The following PGPEP1L variants were observed in gnomAD, a reference collection of about 807,000 sequenced individuals.
The protein encoded by PGPEP1L is pyroglutamyl-peptidase 1-like protein.
In PGPEP1L, 7 loss-of-function variants were observed where a neutral mutation model predicts 6.0. The ratio of observed to expected loss-of-function variants is 1.17; its 90% CI spans 0.66 to 2.19. The LOEUF is 2.19. Ranked by LOEUF, PGPEP1L falls within the 30% of genes most tolerant of loss-of-function variation. The pLI is 0.00. For missense variants in PGPEP1L, 209 were observed against 192.5 expected (o/e 1.09, Z -0.51); for synonymous variants, 103 against 83.9 (o/e 1.23, Z -1.24).
At chr15:98,985,472 A>T (rs1026614341) in intron 2 of PGPEP1L, among the ~76,000 whole-genome samples, 2 of 152,226 alleles carry the variant, frequency 1.3e-5, no homozygotes, top group African/African-American at 4.8e-5. Flanking sequence ...CGGGAAGCGG[A>T]AGTTGCAGTG....
chr15:98,995,900 C>A (rs1160519586), intron 2 of PGPEP1L, among the ~76,000 whole-genome samples: 4 of 152,262 alleles, frequency 2.6e-5, no homozygotes, highest in Non-Finnish European at 2.9e-5. Flanking sequence ...TTAATCTGGA[C>A]AATCATGTAA....
intron 2 of PGPEP1L, among the ~76,000 whole-genome samples, chr15:98,975,310 G>A (rs921758206): frequency 8.5e-5 from 13 of 152,210 alleles, no homozygotes; most frequent in Admixed American, 2.6e-4. Flanking sequence ...ATGATTACCA[G>A]AAGGTGGGAA....
In PGPEP1L at chr15:98,976,651, C is replaced by T. The variant is rs528680834; in HGVS notation, c.-141-5493G>A. Among the ~76,000 whole-genome samples, 81 of 152,130 alleles carry T rather than the reference C, an allele frequency of 5.3e-4. 3 individuals carry two copies. In the South Asian group the frequency reaches 0.017, roughly 32 times the overall value. On this transcript the variant is annotated intron_variant, in intron 2 of 4. Transcript: ENST00000535714. ...GATGTTTTCCTAGGAACAGAAGAGG[C>T]AAGGAGGGGCAGTGGCCACTCCAGA... is the stretch of plus-strand genomic sequence containing the variant.
At chr15:98,975,543 ATGT>A (rs1842901031) in intron 2 of PGPEP1L, among the ~76,000 whole-genome samples, 1 of 152,208 alleles carries the variant, frequency 6.6e-6, no homozygotes, top group African/African-American at 2.4e-5. Flanking sequence ...TAATCATCAA[ATGT>A]TGTGTATGTA....
chr15:98,968,658 A>G lies in PGPEP1L; in HGVS notation c.249T>C (p.His83=), dbSNP rs1390694004. Residue 83 remains histidine (H), a synonymous_variant, in exon 5 of 5, where the codon CAT becomes CAC. Transcript: ENST00000535714. ...GGATGAGTGCCGCGCAGCCCTTTCC[A>G]TGATGCAGAGACAGGTAATAGGTAT... is the stretch of plus-strand genomic sequence containing the variant. ...CDYTYYLSLH[H]GKGCAALIHV... The G allele has an allele frequency of 1.9e-6, 3 of 1,590,022 alleles. No homozygotes were observed. The highest frequency in any genetic ancestry group is 2.3e-5 in the South Asian group (2 of 87,396).
At chr15:98,971,997 C>T (rs2017504166) in intron 2 of PGPEP1L, among the ~76,000 whole-genome samples, 2 of 152,168 alleles carry the variant, frequency 1.3e-5, no homozygotes, top group Non-Finnish European at 1.5e-5. Flanking sequence ...TTATAACTAT[C>T]CAATTTTTTT....
At chr15:98,974,916 C>T (rs1022001255) in intron 2 of PGPEP1L, among the ~76,000 whole-genome samples, 13 of 152,066 alleles carry the variant, frequency 8.5e-5, no homozygotes, top group Non-Finnish European at 1.9e-4. Flanking sequence ...ACAACAACAA[C>T]GACAACAACT....
At chr15:99,007,115 G>A (rs1449735443) in intron 1 of PGPEP1L, among the ~76,000 whole-genome samples, 10 of 152,204 alleles carry the variant, frequency 6.6e-5, no homozygotes, top group African/African-American at 2.4e-4. Context: ...CCTTTAATTA[G>A]CTCCTGGTGT....
intron 2 of PGPEP1L, among the ~76,000 whole-genome samples, chr15:98,974,408 A>G (rs1039894951): frequency 6.6e-6 from 1 of 152,034 alleles, no homozygotes; most frequent in Admixed American, 6.6e-5. Flanking sequence ...AATAAAATAA[A>G]TTTCTGGACA....
intron 2 of PGPEP1L, among the ~76,000 whole-genome samples, chr15:98,992,707 C>T (rs1406833449): frequency 6.6e-6 from 1 of 152,198 alleles, no homozygotes; most frequent in Non-Finnish European, 1.5e-5. Context: ...TACTACAAGG[C>T]TGCAGTAACA....
At chr15:98,987,762 T>C (rs577025896) in intron 2 of PGPEP1L, among the ~76,000 whole-genome samples, 1 of 152,292 alleles carries the variant, frequency 6.6e-6, no homozygotes, top group South Asian at 2.1e-4. Flanking sequence ...GCAGGTGATT[T>C]CTGCATTTCC....
intron 1 of PGPEP1L, among the ~76,000 whole-genome samples, chr15:99,006,260 G>A (rs1555473619): frequency 6.6e-6 from 1 of 152,162 alleles, no homozygotes; most frequent in Admixed American, 6.5e-5. Flanking sequence ...AGGAACAGAG[G>A]CTTGCCACCT....
chr15:98,987,434 A>C (rs974884480), intron 2 of PGPEP1L, among the ~76,000 whole-genome samples: 11 of 151,440 alleles, frequency 7.3e-5, no homozygotes, highest in Non-Finnish European at 1.6e-4. Flanking sequence ...GATAGACGCA[A>C]CACCACCAAG....
At chr15:98,991,459 C>T (rs1436314680) in intron 2 of PGPEP1L, among the ~76,000 whole-genome samples, 1 of 152,080 alleles carries the variant, frequency 6.6e-6, no homozygotes, top group Admixed American at 6.5e-5. Context: ...AATTGAGGCA[C>T]TAATTGATAG....
At chr15:98,971,284 C>T in intron 2 of PGPEP1L, 126 bp from the exon 3 acceptor site, 11 of 1,290,066 alleles carry the variant, frequency 8.5e-6, no homozygotes, top group African/African-American at 1.5e-5. Flanking sequence ...TGGACTTTGC[C>T]CTCAAGGAGC....
chr15:98,991,073 T>C (rs1211020390), intron 2 of PGPEP1L, among the ~76,000 whole-genome samples: 1 of 151,604 alleles, frequency 6.6e-6, no homozygotes, highest in Non-Finnish European at 1.5e-5. Context: ...CAAGAACAAA[T>C]TCAAAAGCTA....
At chr15:98,998,319 C>T (rs1322351655) in intron 2 of PGPEP1L, among the ~76,000 whole-genome samples, 2 of 152,162 alleles carry the variant, frequency 1.3e-5, no homozygotes, top group Non-Finnish European at 2.9e-5. Flanking sequence ...TCCCCTTCCC[C>T]ATGGAGGCTG....
chr15:98,986,227 G>T (rs894539101), intron 2 of PGPEP1L, among the ~76,000 whole-genome samples: 1 of 152,162 alleles, frequency 6.6e-6, no homozygotes, highest in Non-Finnish European at 1.5e-5. Context: ...TGGGAATGAG[G>T]TGACTCATGT....
intron 2 of PGPEP1L, among the ~76,000 whole-genome samples, chr15:98,993,196 C>T (rs2151763381): frequency 6.6e-6 from 1 of 152,104 alleles, no homozygotes; most frequent in East Asian, 1.9e-4. Context: ...AACATTTTTG[C>T]AATCTACCCA....
Sources: gnomAD v4.1 joint callset for allele counts (sites outside exome capture counted in the v4.1 genomes callset) on GRCh38, gnomAD v4.1.1 for gene constraint, MANE v1.5 for transcripts, NCBI Gene and HGNC (gene_info 2026-07-23, HGNC 2026-07-21) for gene names.